Variants in DLC1 observed in about 807,000 individuals in gnomAD.
DLC1 encodes the protein rho GTPase-activating protein 7.
In DLC1, 54 loss-of-function variants were observed where a neutral mutation model predicts 140.3. The observed-to-expected ratio is 0.38, with a 90% CI of 0.31 to 0.48. The LOEUF (loss-of-function observed/expected upper bound fraction) is 0.48, where lower values mean the gene tolerates loss of function less well. Ranked by LOEUF, DLC1 falls within the 20% of genes least tolerant of loss-of-function variation. DLC1 has a pLI of 0.96. For synonymous variants in DLC1, 986 were observed against 728.1 expected, an observed-to-expected ratio of 1.35 and a Z score of -5.70; for missense variants, 2,536 against 1,907.0, an observed-to-expected ratio of 1.33 and a Z score of -6.14.
intron 5 of DLC1, among the ~76,000 whole-genome samples, chr8:13,197,851 T>C (rs1389197180): frequency 6.6e-6 from 1 of 152,088 alleles, no homozygotes; most frequent in African/African-American, 2.4e-5. Context: ...TACACCCTAT[T>C]GGAGAGGTAA....
intron 5 of DLC1, among the ~76,000 whole-genome samples, chr8:13,181,883 C>G (rs1159272567): frequency 6.6e-6 from 1 of 152,128 alleles, no homozygotes; most frequent in East Asian, 1.9e-4. Context: ...AATGGTAATT[C>G]TAGTTCTAGA....
chr8:13,560,665 CT>C (rs1804208773), intron 1 of DLC1, among the ~76,000 whole-genome samples: 1 of 152,230 alleles, frequency 6.6e-6, no homozygotes, highest in Middle Eastern at 3.4e-3. Context: ...CCTCCAGTAT[CT>C]GAGAATGTGG....
chr8:13,440,125 T>A (rs906976808), intron 2 of DLC1, among the ~76,000 whole-genome samples: 2 of 152,200 alleles, frequency 1.3e-5, no homozygotes, highest in Non-Finnish European at 2.9e-5. Flanking sequence ...ATTCATACTT[T>A]CTTTATTACG....
chr8:13,319,106 G>C (rs1586129189), intron 4 of DLC1, among the ~76,000 whole-genome samples: 1 of 152,074 alleles, frequency 6.6e-6, no homozygotes. Context: ...CCTATAATGG[G>C]GATACCTTTC....
chr8:13,319,839 T>C (rs1306556324), intron 4 of DLC1, among the ~76,000 whole-genome samples: 1 of 145,294 alleles, frequency 6.9e-6, no homozygotes. Context: ...TTTTTTTTTT[T>C]TGAGATGGAG....
rs192224718 is a variant in DLC1, at chr8:13,193,799, T to C, written c.1349-78142A>G. 5.8e-3 allele frequency among the ~76,000 whole-genome samples: 890 copies of C among 152,246 alleles called. 7 individuals are homozygous for C. The highest frequency in any genetic ancestry group is 0.02 in the Middle Eastern group (6 of 294). On this transcript the variant is annotated intron_variant, in intron 5 of 17. Coordinates refer to ENST00000276297, the MANE Select transcript of DLC1 (RefSeq NM_182643.3). ...CAACAAGTTGTAATTACCATAGCCCTCTCTGGGAGGTGGAAATCTGCCAGT... is the reference window on the plus strand; with the variant it reads ...CAACAAGTTGTAATTACCATAGCCCCCTCTGGGAGGTGGAAATCTGCCAGT...
At chr8:13,180,237 G>A (rs959712434) in intron 5 of DLC1, among the ~76,000 whole-genome samples, 2 of 152,074 alleles carry the variant, frequency 1.3e-5, no homozygotes, top group Admixed American at 6.5e-5. Context: ...CGTCTTTACT[G>A]CTGTTAAAGC....
At chr8:13,198,419 G>C (rs1827190371) in intron 5 of DLC1, among the ~76,000 whole-genome samples, 2 of 152,130 alleles carry the variant, frequency 1.3e-5, no homozygotes, top group South Asian at 4.1e-4. Context: ...TCTTCTCTTT[G>C]TATCGTAGAG....
At chr8:13,393,819 G>A (rs1451513647) in intron 3 of DLC1, 126 bp from the exon 4 acceptor site, 2 of 1,110,412 alleles carry the variant, frequency 1.8e-6, no homozygotes, top group Non-Finnish European at 2.6e-6. Flanking sequence ...AAGAGTTGCT[G>A]ACAACTGACA....
chr8:13,323,570 C>G (rs1435661685), intron 4 of DLC1, among the ~76,000 whole-genome samples: 1 of 151,968 alleles, frequency 6.6e-6, no homozygotes, highest in Middle Eastern at 3.2e-3. Context: ...GTTGAGCTCT[C>G]TTGTATATTT....
rs139926644 is a variant in DLC1 at position 13,466,976 on chromosome 8, C to G, written c.1023+32073G>C. Among the ~76,000 whole-genome samples, 338 of 150,586 alleles carry G rather than the reference C, an allele frequency of 2.2e-3. 1 individual carries two copies. The highest frequency in any genetic ancestry group is 7.3e-3 in the African/African-American group (300 of 41,232). On this transcript the variant is annotated intron_variant, in intron 2 of 17. Coordinates refer to ENST00000276297, the MANE Select transcript of DLC1 (RefSeq NM_182643.3). ...AAAAAAAACCCCTCCACGTTATTGA[C>G]TCTATATGTGAGTATGACATATCCC... is the stretch of plus-strand genomic sequence containing the variant.
At chr8:13,258,808 C>T (rs1231454072) in intron 5 of DLC1, among the ~76,000 whole-genome samples, 1 of 152,086 alleles carries the variant, frequency 6.6e-6, no homozygotes, top group Non-Finnish European at 1.5e-5. Context: ...GAGCTAGACT[C>T]TAGAATACTC....
At chr8:13,467,613 C>G (rs1800000006) in intron 2 of DLC1, among the ~76,000 whole-genome samples, 1 of 152,070 alleles carries the variant, frequency 6.6e-6, no homozygotes, top group Non-Finnish European at 1.5e-5. Flanking sequence ...TGCCTATGGT[C>G]CCAGCTACTT....
At chr8:13,420,176 A>C (rs1045262627) in intron 2 of DLC1, among the ~76,000 whole-genome samples, 1 of 151,978 alleles carries the variant, frequency 6.6e-6, no homozygotes, top group Non-Finnish European at 1.5e-5. Context: ...TCCTGGATTC[A>C]TTAATTTTTT....
At chr8:13,255,926 T>C (rs1830205942) in intron 5 of DLC1, among the ~76,000 whole-genome samples, 1 of 152,212 alleles carries the variant, frequency 6.6e-6, no homozygotes, top group South Asian at 2.1e-4. Context: ...AGGGCCTGTA[T>C]GCTATATCAT....
chr8:13,533,192 A>G (rs1308132933), intron 1 of DLC1, among the ~76,000 whole-genome samples: 1 of 152,202 alleles, frequency 6.6e-6, no homozygotes, highest in African/African-American at 2.4e-5. Context: ...CACTGGGTAA[A>G]TATATCAAAA....
intron 1 of DLC1, among the ~76,000 whole-genome samples, chr8:13,578,086 G>T (rs960173123): frequency 4.6e-5 from 7 of 151,728 alleles, no homozygotes; most frequent in Non-Finnish European, 1.0e-4. Context: ...ATTTCTCTGT[G>T]CGTCCAGTGA....
At chr8:13,145,346 A>T (rs1416037489) in intron 5 of DLC1, among the ~76,000 whole-genome samples, 1 of 152,222 alleles carries the variant, frequency 6.6e-6, no homozygotes, top group East Asian at 1.9e-4. Flanking sequence ...ATAACTGGGC[A>T]TAGAAAACAT....
At chr8:13,282,917 G>A (rs762111014) in intron 5 of DLC1, among the ~76,000 whole-genome samples, 14 of 152,086 alleles carry the variant, frequency 9.2e-5, no homozygotes, top group Admixed American at 3.3e-4. Context: ...CTCACATATT[G>A]TTTTATGTTC....
Sources: gnomAD v4.1 joint callset for allele counts (sites outside exome capture counted in the v4.1 genomes callset) on GRCh38, gnomAD v4.1.1 for gene constraint, MANE v1.5 for transcripts, NCBI Gene and HGNC (gene_info 2026-07-23, HGNC 2026-07-21) for gene names.